NRXN3: variants seen among roughly 807,000 people sequenced by gnomAD.
NRXN3 encodes neurexin III.
NRXN3 carries 32 observed loss-of-function variants against 137.6 expected under a neutral mutation model. That is an observed-to-expected ratio of 0.23 (90% CI 0.18 to 0.31). The LOEUF is 0.31. Ranked by LOEUF, NRXN3 falls within the 10% of genes least tolerant of loss-of-function variation. NRXN3 has a pLI of 1.00. For synonymous variants in NRXN3, 798 were observed against 784.5 expected, an observed-to-expected ratio of 1.02 and a Z score of -0.29; for missense variants, 1,574 against 2,062.5, an observed-to-expected ratio of 0.76 and a Z score of 4.59.
chr14:79,743,272 C>T (rs1036100570), intron 19 of NRXN3, among the ~76,000 whole-genome samples: 1 of 152,236 alleles, frequency 6.6e-6, no homozygotes, highest in East Asian at 1.9e-4. Context: ...ACGTGACTGT[C>T]GGTGGGTCAC....
At chr14:78,986,286 G>A (rs984728684) in intron 14 of NRXN3, among the ~76,000 whole-genome samples, 6 of 152,144 alleles carry the variant, frequency 3.9e-5, no homozygotes, top group Admixed American at 1.3e-4. Context: ...GGCTCATCTC[G>A]TTTGCTGAGA....
intron 19 of NRXN3, among the ~76,000 whole-genome samples, chr14:79,803,039 TAATAAA>T (rs2099188025): frequency 6.6e-6 from 1 of 152,236 alleles, no homozygotes; most frequent in South Asian, 2.1e-4. Context: ...CCTGGAACTT[TAATAAA>T]ATTAAAAAAA....
intron 2 of NRXN3, among the ~76,000 whole-genome samples, chr14:78,262,443 T>C (rs1201927050): frequency 6.6e-6 from 1 of 152,088 alleles, no homozygotes; most frequent in African/African-American, 2.4e-5. Context: ...GGAAGCTCTG[T>C]TGTGGGAGAA....
chr14:78,695,164 G>A (rs951191696), intron 6 of NRXN3, among the ~76,000 whole-genome samples: 6 of 151,900 alleles, frequency 3.9e-5, no homozygotes, highest in African/African-American at 1.5e-4. Flanking sequence ...CTCTCTGTCT[G>A]TATGTGTGAT....
rs571413896 is a variant in NRXN3, at chr14:79,681,298, C to A, written c.3617-10875C>A. 2.8e-4 allele frequency among the ~76,000 whole-genome samples: 42 copies of A among 152,238 alleles called. 1 individual carries two copies. Among genetic ancestry groups the A allele is most frequent in the Middle Eastern group, 3.4e-3 (1 of 294 alleles). On this transcript the variant is annotated intron_variant, in intron 17 of 20. Transcript: ENST00000335750. The stretch of plus-strand genomic sequence containing the variant: ...AGATAGTGTTTCCTTTACCCACTCT[C>A]GGACCCCTGTTCTTCCTGGATCTCC...
At chr14:79,266,775 T>C (rs1418816310) in intron 15 of NRXN3, among the ~76,000 whole-genome samples, 1 of 152,196 alleles carries the variant, frequency 6.6e-6, no homozygotes, top group Non-Finnish European at 1.5e-5. Flanking sequence ...AGTAAACCTA[T>C]TTGTCCATAT....
Position 79,048,132 on chromosome 14 carries a change from ATACAGT to A in NRXN3, c.3262+59992_3262+59997del, listed in dbSNP as rs908371367. On this transcript the variant is annotated intron_variant, in intron 15 of 20. Coordinates refer to ENST00000335750, the MANE Select transcript of NRXN3 (RefSeq NM_001330195.2). ...ATGCAACAACATGTATGCATCTCAA[ATACAGT>A]ATATTTTTGTGGAGAGAAAGACACC... 5.9e-5 allele frequency among the ~76,000 whole-genome samples: 9 copies of A among 152,330 alleles called. No homozygotes were observed. The East Asian group carries it at 1.7e-3, about 29-fold the overall frequency.
At chr14:78,372,955 G>C (rs979728863) in intron 4 of NRXN3, among the ~76,000 whole-genome samples, 1 of 152,188 alleles carries the variant, frequency 6.6e-6, no homozygotes, top group Non-Finnish European at 1.5e-5. Context: ...AACGTAGGTA[G>C]AATAATGAAG....
intron 15 of NRXN3, among the ~76,000 whole-genome samples, chr14:79,384,442 A>G (rs988690345): frequency 2.4e-4 from 37 of 152,298 alleles, no homozygotes; most frequent in African/African-American, 8.7e-4. Context: ...CTCTTTCTAA[A>G]TGTGCCTTTG....
At chr14:78,274,210 A>G (rs2073231827) in intron 2 of NRXN3, among the ~76,000 whole-genome samples, 1 of 152,192 alleles carries the variant, frequency 6.6e-6, no homozygotes, top group South Asian at 2.1e-4. Flanking sequence ...GTCTGTTCTC[A>G]TGCTTCTGTG....
intron 15 of NRXN3, among the ~76,000 whole-genome samples, chr14:79,396,912 A>G (rs1291222662): frequency 6.6e-6 from 1 of 152,108 alleles, no homozygotes; most frequent in Non-Finnish European, 1.5e-5. Context: ...ATTAAACTTT[A>G]TTTTCCCACT....
intron 4 of NRXN3, among the ~76,000 whole-genome samples, chr14:78,591,834 C>T (rs528677854): frequency 4.6e-5 from 7 of 152,304 alleles, no homozygotes; most frequent in African/African-American, 1.2e-4. Context: ...GTTGCGCCAT[C>T]GCCATTACTC....
intron 19 of NRXN3, among the ~76,000 whole-genome samples, chr14:79,730,809 T>G (rs2098919364): frequency 6.6e-6 from 1 of 152,148 alleles, no homozygotes; most frequent in Non-Finnish European, 1.5e-5. Context: ...TTCAGCACAG[T>G]GAACAATCAT....
At chr14:79,698,039 TAAG>T in intron 19 of NRXN3, 102 bp downstream of exon 19, 1 of 1,050,646 alleles carries the variant, frequency 9.5e-7, no homozygotes, top group Non-Finnish European at 1.4e-6. Context: ...AATTACTATG[TAAG>T]AAGGATGCTG....
intron 16 of NRXN3, among the ~76,000 whole-genome samples, chr14:79,512,833 A>C (rs570228410): frequency 4.1e-4 from 62 of 152,292 alleles, no homozygotes; most frequent in Non-Finnish European, 7.4e-5. Context: ...CAAATCAGCA[A>C]TTGCATCTGT....
chr14:79,533,649 A>T (rs924397877), intron 16 of NRXN3, among the ~76,000 whole-genome samples: 3 of 152,158 alleles, frequency 2.0e-5, no homozygotes, highest in African/African-American at 7.2e-5. Context: ...CCCATGTTCT[A>T]TTCAAAAAAT....
In NRXN3 at chr14:78,621,275, C is replaced by T. The variant is rs1394077987; in HGVS notation, c.758-23845C>T. On this transcript the variant is annotated intron_variant, in intron 4 of 20. Coordinates refer to ENST00000335750, the MANE Select transcript of NRXN3 (RefSeq NM_001330195.2). ...GCATTTTTCTTTTTTCAGTAAAATC[C>T]CTTTAGTTTTGACTGCACTAATTCT... 2.0e-5 allele frequency among the ~76,000 whole-genome samples: 3 copies of T among 151,912 alleles called. No homozygotes were observed. The East Asian group carries it at 5.8e-4, about 29-fold the overall frequency.
chr14:79,148,640 T>G (rs1445976040), intron 15 of NRXN3, among the ~76,000 whole-genome samples: 2 of 152,156 alleles, frequency 1.3e-5, no homozygotes, highest in African/African-American at 4.8e-5. Flanking sequence ...AAAACAGAAC[T>G]GATTTTCTCA....
In NRXN3 at chr14:78,943,613, AAAAAAAAAATATATATAT is replaced by A. The variant is rs1567775960; in HGVS notation, c.2276-13627_2276-13610del. Among the ~76,000 whole-genome samples, 7 of 30,996 alleles carry A rather than the reference AAAAAAAAAATATATATAT, an allele frequency of 2.3e-4. 1 individual carries two copies. The highest frequency in any genetic ancestry group is 2.8e-3 in the South Asian group (2 of 724). 20.3% of individuals were successfully genotyped at this position (30,996 alleles called of 152,430 possible). On this transcript the variant is annotated intron_variant, in intron 10 of 20. Transcript: ENST00000335750. ...AGAAAAGAAGCAAGATCACTGTTAA[AAAAAAAAAATATATATAT>A]ATATATATATATATATATATATATA...
Sources: gnomAD v4.1 joint callset for allele counts (sites outside exome capture counted in the v4.1 genomes callset) on GRCh38, gnomAD v4.1.1 for gene constraint, MANE v1.5 for transcripts, NCBI Gene and HGNC (gene_info 2026-07-23, HGNC 2026-07-21) for gene names.